The following RGMA variants were observed in gnomAD, a reference collection of about 807,000 sequenced individuals.
RGMA encodes the protein repulsive guidance molecule BMP co-receptor a.
A neutral mutation model predicts 23.2 loss-of-function variants in RGMA; 10 were observed. The observed-to-expected ratio is 0.43, with a 90% confidence interval of 0.27 to 0.73. The LOEUF (loss-of-function observed/expected upper bound fraction) is 0.73, where lower values mean the gene tolerates loss of function less well. Among genes scored for constraint, RGMA ranks in the 30% least tolerant of loss-of-function variants. The pLI, the probability that RGMA is intolerant of heterozygous loss-of-function variation, is 0.20. For missense variants in RGMA, 547 were observed against 630.5 expected, an observed-to-expected ratio of 0.87 and a Z score of 1.42; for synonymous variants, 308 against 279.3, an observed-to-expected ratio of 1.10 and a Z score of -1.03.
chr15:93,057,220 T>A (rs1182987450), intron 2 of RGMA, among the ~76,000 whole-genome samples: 1 of 152,132 alleles, frequency 6.6e-6, no homozygotes, highest in East Asian at 1.9e-4. Context: ...CCCCACTACC[T>A]CACTCACGCC....
intron 2 of RGMA, among the ~76,000 whole-genome samples, chr15:93,055,007 C>T (rs912319583): frequency 1.3e-5 from 2 of 152,102 alleles, no homozygotes; most frequent in African/African-American, 4.8e-5. Flanking sequence ...GCAGAACAAG[C>T]GTTTGGAGGG....
chr15:93,045,732 T>C lies in RGMA; in HGVS notation c.646-27A>G. The C allele has an allele frequency of 1.3e-6, 2 of 1,547,074 alleles. No individual in the cohort carries two copies. The highest frequency in any genetic ancestry group is 2.2e-5 in the East Asian group (1 of 44,538). ...TGCCGGGGAAAGGGGCAGAGGAGAG[T>C]GGGTGAGGCACAGTGGGAGGAGGCA... is the stretch of plus-strand genomic sequence containing the variant. On this transcript the variant is annotated intron_variant, in intron 3 of 3. Transcript: ENST00000329082. This position sits in a 1 kb window ranked among gnomAD's most constrained non-coding sequence, Gnocchi z 6.9.
intron 2 of RGMA, among the ~76,000 whole-genome samples, chr15:93,060,365 T>C (rs2055082803): frequency 6.6e-6 from 1 of 152,184 alleles, no homozygotes; most frequent in Non-Finnish European, 1.5e-5. Context: ...CCTGATTAGC[T>C]ATAGTGGGGC....
At chr15:93,070,663 G>A (rs1280270337) in intron 2 of RGMA, among the ~76,000 whole-genome samples, 8 of 152,172 alleles carry the variant, frequency 5.3e-5, no homozygotes, top group Non-Finnish European at 1.0e-4. Context: ...TTAGTTTTGG[G>A]GTACTGGAAG....
At chr15:93,054,566 C>A (rs544761841) in intron 2 of RGMA, among the ~76,000 whole-genome samples, 169 of 152,172 alleles carry the variant, frequency 1.1e-3, no homozygotes, top group Non-Finnish European at 2.2e-3. Flanking sequence ...GTAAGATGTG[C>A]CTTTGCTTCT....
At chr15:93,048,039 G>A (rs1333792730) in intron 3 of RGMA, among the ~76,000 whole-genome samples, 1 of 152,192 alleles carries the variant, frequency 6.6e-6, no homozygotes, top group Non-Finnish European at 1.5e-5. Flanking sequence ...GCCTGTTTGG[G>A]GCGGGCTGGC....
rs1471553159 is a variant in RGMA at position 93,038,569 on chromosome 15, G to GTTATTTTTTTTTTTTTTTTTTTTTT, written c.*6428_*6429insAAAAAAAAAAAAAAAAAAAAAATAA. The GTTATTTTTTTTTTTTTTTTTTTTTT allele has an allele frequency of 1.0e-5, 1 of 100,224 alleles. No homozygotes were observed. The highest frequency in any genetic ancestry group is 2.3e-5 in the Non-Finnish European group (1 of 42,826). The allele number at this position is 100,224 out of a possible 1,614,324, so 6.2% of individuals were successfully genotyped here. On this transcript the variant is annotated 3_prime_UTR_variant, in exon 4 of 4. Coordinates refer to ENST00000329082, the MANE Select transcript of RGMA (RefSeq NM_020211.3). ...GCCTTAATGAACGAAACTGTTAGTT[G>GTTATTTTTTTTTTTTTTTTTTTTTT]TTTTTTTTTTTTTTTTGAGACGGTG...
rs7181708 is a variant in RGMA at position 93,047,627 on chromosome 15, C to T, written c.646-1922G>A. Among the ~76,000 whole-genome samples the T allele has an allele frequency of 2.9e-3, 442 of 152,010 alleles. 4 individuals are homozygous for T. The highest frequency in any genetic ancestry group is 1.0e-2 in the African/African-American group (413 of 41,448). ...CCAGCTAGCTGGCTGGCTGACAGAGCTCCCAGGGGATCCCACCCCAACCTG... is the reference window on the plus strand; with the variant it reads ...CCAGCTAGCTGGCTGGCTGACAGAGTTCCCAGGGGATCCCACCCCAACCTG... On this transcript the variant is annotated intron_variant, in intron 3 of 3. Transcript: ENST00000329082.
chr15:93,050,298 TGACA>T (rs1322351641), intron 3 of RGMA, among the ~76,000 whole-genome samples: 4 of 152,128 alleles, frequency 2.6e-5, no homozygotes, highest in Non-Finnish European at 5.9e-5. Flanking sequence ...AACGGAGGCC[TGACA>T]GACAGGCGGG....
At chr15:93,057,729 A>G (rs2055037246) in intron 2 of RGMA, among the ~76,000 whole-genome samples, 1 of 152,158 alleles carries the variant, frequency 6.6e-6, no homozygotes, top group South Asian at 2.1e-4. Flanking sequence ...CTGGCCAGAG[A>G]CCAAAGGACC....
rs544060994 is a variant in RGMA at position 93,074,638 on chromosome 15, G to C, written c.15-1607C>G. Reference sequence around the variant, plus strand: ...CTAAATATTTTTCCCCCAAACCAGGGTTCATTTCAGGACGGGTCTGCAAAA... The same window carrying C: ...CTAAATATTTTTCCCCCAAACCAGGCTTCATTTCAGGACGGGTCTGCAAAA... On this transcript the variant is annotated intron_variant, in intron 1 of 3. Coordinates refer to ENST00000329082, the MANE Select transcript of RGMA (RefSeq NM_020211.3). Among the ~76,000 whole-genome samples the C allele has an allele frequency of 7.8e-4, 119 of 152,294 alleles. 1 individual carries two copies. Among genetic ancestry groups the C allele is most frequent in the Admixed American group, 1.2e-3 (18 of 15,302 alleles).
chr15:93,063,765 TAGG>T (rs1321112561), intron 2 of RGMA, among the ~76,000 whole-genome samples: 22 of 152,292 alleles, frequency 1.4e-4, no homozygotes, highest in Admixed American at 5.9e-4. Flanking sequence ...GGAAATTTTC[TAGG>T]AGGTTTTCTC....
chr15:93,058,473 T>C (rs997903429), intron 2 of RGMA, among the ~76,000 whole-genome samples: 2 of 152,244 alleles, frequency 1.3e-5, no homozygotes, highest in Non-Finnish European at 2.9e-5. Context: ...ACAGCCAGTT[T>C]TGTGTTAACT....
intron 2 of RGMA, among the ~76,000 whole-genome samples, chr15:93,055,771 G>A (rs1284319223): frequency 6.6e-6 from 1 of 152,208 alleles, no homozygotes; most frequent in African/African-American, 2.4e-5. Context: ...GTGAGCAGGG[G>A]CTCGACGGCA....
rs1386112224 is a variant in RGMA, at chr15:93,045,434, T to C, written c.917A>G (p.Asp306Gly). 1 of 1,613,022 alleles carries C rather than the reference T, an allele frequency of 6.2e-7. No individual in the cohort carries two copies. The highest frequency in any genetic ancestry group is 2.2e-5 in the East Asian group (1 of 44,854). The change falls in exon 4 of 4, where the codon GAC becomes GGC. Residue 306 changes from aspartate to glycine, a missense_variant. By Grantham distance (94) the Asp-to-Gly change is moderately conservative. Transcript: ENST00000329082. This position sits in a 1 kb window ranked among gnomAD's most constrained non-coding sequence, Gnocchi z 6.9. Reference sequence around the variant, plus strand: ...GAGGTAGAGACCCTGGCTGTCCCAGTCCTCCACAGCATTGACCACTTCCTC... The same window carrying C: ...GAGGTAGAGACCCTGGCTGTCCCAGCCCTCCACAGCATTGACCACTTCCTC... ...MPEEVVNAVE[D>G]WDSQGLYLCL...
At position 93,044,973 on chromosome 15, in the gene RGMA, C is replaced by G. The variant is rs768583626; in HGVS notation, c.*25G>C. 2.6e-6 allele frequency: 4 copies of G among 1,547,822 alleles called. No individual in the cohort carries two copies. In the South Asian group the frequency reaches 4.7e-5, roughly 18 times the overall value. On this transcript the variant is annotated 3_prime_UTR_variant, in exon 4 of 4. Coordinates refer to ENST00000329082, the MANE Select transcript of RGMA (RefSeq NM_020211.3). ...ATGGGGAAGCCGAGAGGACGGAGCCCGCGCCTCCCTCCACATCTACGCGTC... is the reference window on the plus strand; with the variant it reads ...ATGGGGAAGCCGAGAGGACGGAGCCGGCGCCTCCCTCCACATCTACGCGTC...
rs767489275 is a variant in RGMA, at chr15:93,052,335, C to G, written c.303G>C (p.Ser101=). The change falls in exon 3 of 4, where the codon TCG becomes TCC. Residue 101 remains serine (S), a synonymous_variant. Coordinates refer to ENST00000329082, the MANE Select transcript of RGMA (RefSeq NM_020211.3). ...TGAGGTCCTCTATGCCATGGACGGC[C>G]GAGTGGTAGGCCAGGTCACCCCGGC... ...RTCRGDLAYH[S]AVHGIEDLMS... The G allele has an allele frequency of 6.2e-7, 1 of 1,602,496 alleles. No homozygotes were observed. The highest frequency in any genetic ancestry group is 8.5e-7 in the Non-Finnish European group (1 of 1,179,430).
chr15:93,051,485 G>A (rs149401866), intron 3 of RGMA, among the ~76,000 whole-genome samples: 125 of 152,354 alleles, frequency 8.2e-4, no homozygotes, highest in Non-Finnish European at 1.5e-3. Context: ...CCCAAAAGCA[G>A]GTAGGGGAGG....
rs879828195 is a variant in RGMA, at chr15:93,040,066, G to C, written c.*4932C>G. 1 of 152,116 alleles carries C rather than the reference G, an allele frequency of 6.6e-6. No homozygotes were observed. Among genetic ancestry groups the C allele is most frequent in the South Asian group, 2.1e-4 (1 of 4,818 alleles). 9.4% of individuals were successfully genotyped at this position (152,116 alleles called of 1,614,324 possible). Reference sequence around the variant, plus strand: ...CTCCAAAAAAATTTAACAATTAGCCGGGTGTGACGGCAGGCACCTGTAATC... The same window carrying C: ...CTCCAAAAAAATTTAACAATTAGCCCGGTGTGACGGCAGGCACCTGTAATC... On this transcript the variant is annotated 3_prime_UTR_variant, in exon 4 of 4. Coordinates refer to ENST00000329082, the MANE Select transcript of RGMA (RefSeq NM_020211.3).
Sources: allele counts gnomAD v4.1 joint callset (sites outside exome capture counted in the v4.1 genomes callset), GRCh38; gene constraint gnomAD v4.1.1; non-coding constraint Gnocchi (gnomAD v3.1); transcripts MANE v1.5; gene names NCBI Gene and HGNC (gene_info 2026-07-23, HGNC 2026-07-21).